Variants in EPHA6 observed in about 807,000 individuals in gnomAD.
EPHA6 encodes ephrin type-A receptor 6.
EPHA6 carries 50 observed loss-of-function variants against 112.0 expected under a neutral mutation model. That is an observed-to-expected ratio of 0.45 (90% CI 0.36 to 0.56). EPHA6 has a LOEUF of 0.56. EPHA6 is among the 20% of genes least tolerant of loss of function. The pLI, the probability that EPHA6 is intolerant of heterozygous loss-of-function variation, is 0.00. For synonymous variants in EPHA6, 529 were observed against 490.7 expected (o/e 1.08, Z -1.03); for missense variants, 1,280 against 1,417.4 (o/e 0.90, Z 1.56).
chr3:97,071,641 G>A (rs955570756), intron 3 of EPHA6, among the ~76,000 whole-genome samples: 1 of 151,990 alleles, frequency 6.6e-6, no homozygotes, highest in Non-Finnish European at 1.5e-5. Context: ...ACCTCTCCCT[G>A]GGTCCCTCCC....
intron 11 of EPHA6, among the ~76,000 whole-genome samples, chr3:97,582,307 G>A (rs1453556649): frequency 2.6e-5 from 4 of 152,134 alleles, no homozygotes. Flanking sequence ...AGCATTGCAG[G>A]TGTGAGCCAC....
chr3:97,643,800 G>A (rs1213072329), intron 14 of EPHA6, among the ~76,000 whole-genome samples: 2 of 151,178 alleles, frequency 1.3e-5, no homozygotes, highest in Admixed American at 1.3e-4. Context: ...AGTCCTGAGT[G>A]ACCTGCAAAG....
intron 11 of EPHA6, among the ~76,000 whole-genome samples, chr3:97,570,302 G>A (rs192803016): frequency 6.6e-6 from 1 of 152,324 alleles, no homozygotes. Flanking sequence ...AGACAGTATG[G>A]AAGGCACTCC....
chr3:96,871,481 C>A (rs2036619294), intron 2 of EPHA6, among the ~76,000 whole-genome samples: 1 of 151,772 alleles, frequency 6.6e-6, no homozygotes, highest in South Asian at 2.1e-4. Flanking sequence ...TTGCTTTTTC[C>A]AGAATCATGT....
In EPHA6 at chr3:96,925,502, A is replaced by G. The variant is rs187166886; in HGVS notation, c.450+58613A>G. Among the ~76,000 whole-genome samples, 4 of 150,290 alleles carry G rather than the reference A, an allele frequency of 2.7e-5. No individual in the cohort carries two copies. In the East Asian group the frequency reaches 7.8e-4, roughly 29 times the overall value. On this transcript the variant is annotated intron_variant, in intron 2 of 17. Coordinates refer to ENST00000389672, the MANE Select transcript of EPHA6 (RefSeq NM_001080448.3). The stretch of plus-strand genomic sequence containing the variant: ...GGTCAGTGGTGTTATTTCCTTTATC[A>G]TTTCTGACTATTTGAATCTTCTCTT...
Position 97,279,022 on chromosome 3 carries a change from C to T in EPHA6, c.1606+34735C>T, listed in dbSNP as rs532170843. ...GGTAGAAGGGGTGAAAGACTGTGAA[C>T]GTGAGACAGCTTTTCACAACAATTA... On this transcript the variant is annotated intron_variant, in intron 5 of 17. Coordinates refer to ENST00000389672, the MANE Select transcript of EPHA6 (RefSeq NM_001080448.3). Among the ~76,000 whole-genome samples the T allele has an allele frequency of 5.3e-5, 8 of 152,270 alleles. No homozygotes were observed. In the South Asian group the frequency reaches 8.3e-4, roughly 16 times the overall value.
chr3:97,460,873 A>C (rs556500195), intron 7 of EPHA6, among the ~76,000 whole-genome samples: 254 of 152,100 alleles, frequency 1.7e-3, no homozygotes, highest in African/African-American at 5.9e-3. Context: ...TGCTGAGGTC[A>C]CTCCCCAGAA....
At chr3:97,323,302 CAAAA>C (rs931561394) in intron 5 of EPHA6, among the ~76,000 whole-genome samples, 4 of 150,506 alleles carry the variant, frequency 2.7e-5, no homozygotes, top group African/African-American at 7.3e-5. Context: ...TTTATTCTGA[CAAAA>C]GAAGTAAATA....
intron 10 of EPHA6, among the ~76,000 whole-genome samples, chr3:97,517,519 A>C (rs980547740): frequency 1.3e-5 from 2 of 152,122 alleles, no homozygotes; most frequent in Non-Finnish European, 2.9e-5. Context: ...GTGTGATGTA[A>C]TAGATGTGCA....
At chr3:97,059,458 A>G (rs975426128) in intron 3 of EPHA6, among the ~76,000 whole-genome samples, 2 of 152,046 alleles carry the variant, frequency 1.3e-5, no homozygotes, top group African/African-American at 4.8e-5. Context: ...CTAGTATAGG[A>G]TTTCATATTT....
chr3:97,092,699 C>G (rs2047111040), intron 3 of EPHA6, among the ~76,000 whole-genome samples: 1 of 151,956 alleles, frequency 6.6e-6, no homozygotes, highest in African/African-American at 2.4e-5. Flanking sequence ...ATGGAAGAAG[C>G]CATATTATAA....
At position 97,510,033 on chromosome 3, in the gene EPHA6, C is replaced by A. The variant is rs369759882; in HGVS notation, c.2201-22325C>A. On this transcript the variant is annotated intron_variant, in intron 10 of 17. Transcript: ENST00000389672. ...ACTTCTTGTGCTATGTTTTTCAGCT[C>A]CATCAGGTCATTTATGTTCTTCTCT... 1.4e-4 allele frequency among the ~76,000 whole-genome samples: 21 copies of A among 152,166 alleles called. No individual in the cohort carries two copies. The East Asian group carries it at 4.0e-3, about 29-fold the overall frequency.
At chr3:97,463,491 A>G (rs1396996602) in intron 7 of EPHA6, among the ~76,000 whole-genome samples, 2 of 152,184 alleles carry the variant, frequency 1.3e-5, no homozygotes, top group East Asian at 3.9e-4. Context: ...AGAGATGCAC[A>G]TGTATGTGCC....
chr3:97,371,130 G>A (rs4857255), intron 5 of EPHA6, among the ~76,000 whole-genome samples: 141,598 of 151,572 alleles, frequency 0.93, 66,778 homozygotes, highest in Non-Finnish European at 1. Flanking sequence ...AAGCTTTTTC[G>A]TTACCAATAC....
At chr3:97,504,116 A>G (rs2107565574) in intron 10 of EPHA6, among the ~76,000 whole-genome samples, 1 of 152,328 alleles carries the variant, frequency 6.6e-6, no homozygotes, top group East Asian at 1.9e-4. Context: ...AAAATTCACA[A>G]TAGCAAAAAC....
chr3:96,840,727 G>A (rs927179812), intron 1 of EPHA6, among the ~76,000 whole-genome samples: 5 of 151,972 alleles, frequency 3.3e-5, no homozygotes, highest in Admixed American at 6.6e-5. Context: ...ATTACCGGCC[G>A]GTGTCTTGAG....
At chr3:97,055,089 TAAA>T (rs2045810372) in intron 3 of EPHA6, among the ~76,000 whole-genome samples, 1 of 152,118 alleles carries the variant, frequency 6.6e-6, no homozygotes, top group African/African-American at 2.4e-5. Flanking sequence ...ACTAACTCTT[TAAA>T]AAGCACCAAA....
At chr3:97,333,071 G>C (rs1478833567) in intron 5 of EPHA6, among the ~76,000 whole-genome samples, 1 of 151,964 alleles carries the variant, frequency 6.6e-6, no homozygotes, top group Non-Finnish European at 1.5e-5. Flanking sequence ...TTACCATGTT[G>C]AGTCTTCCTA....
At position 97,012,737 on chromosome 3, in the gene EPHA6, GTATGAGCCA is replaced by G. The variant is rs1576320584; in HGVS notation, c.1114+24745_1114+24753del. 2.0e-5 allele frequency among the ~76,000 whole-genome samples: 3 copies of G among 150,856 alleles called. No homozygotes were observed. In the East Asian group the frequency reaches 5.9e-4, roughly 29 times the overall value. On this transcript the variant is annotated intron_variant, in intron 3 of 17. Transcript: ENST00000389672. ...GGCCTCTCAAGTACTGGGATTACAGGTATGAGCCACCACACTGGACTTACTATTTTTTTG... is the reference window on the plus strand; with the variant it reads ...GGCCTCTCAAGTACTGGGATTACAGGCCACACTGGACTTACTATTTTTTTG...
Sources: allele counts gnomAD v4.1 joint callset (sites outside exome capture counted in the v4.1 genomes callset), GRCh38; gene constraint gnomAD v4.1.1; transcripts MANE v1.5; gene names NCBI Gene and HGNC (gene_info 2026-07-23, HGNC 2026-07-21).